The following SNW1 variants were observed in gnomAD, a reference collection of about 807,000 sequenced individuals.
SNW1 encodes the protein SNW domain containing 1.
SNW1 carries 9 observed loss-of-function variants against 75.6 expected under a neutral mutation model. The ratio of observed to expected loss-of-function variants is 0.12; its 90% CI spans 0.07 to 0.21. SNW1 has a LOEUF of 0.21. Among genes scored for constraint, SNW1 ranks in the 10% least tolerant of loss-of-function variants. SNW1 has a pLI of 1.00. For missense variants in SNW1, 409 were observed against 670.9 expected (o/e 0.61, Z 4.31); for synonymous variants, 200 against 219.1 (o/e 0.91, Z 0.77).
intron 5 of SNW1, 75 bp downstream of exon 5, chr14:77,738,703 A>T: frequency 1.0e-6 from 1 of 972,860 alleles, no homozygotes; most frequent in Non-Finnish European, 1.6e-6. Flanking sequence ...TAAGTGGGTT[A>T]GTGAAAGAAT....
chr14:77,751,371 T>C lies in SNW1; in HGVS notation c.278A>G (p.Glu93Gly). The C allele has an allele frequency of 6.2e-7, 1 of 1,613,916 alleles. No homozygotes were observed. The highest frequency in any genetic ancestry group is 8.5e-7 in the Non-Finnish European group (1 of 1,179,906). The change falls in exon 3 of 14, where the codon GAA becomes GGA. Residue 93 changes from glutamate to glycine, a missense_variant. Coordinates refer to ENST00000261531, the MANE Select transcript of SNW1 (RefSeq NM_012245.3). The stretch of plus-strand genomic sequence containing the variant: ...AATTGCATCATATTTAATTTTTCCT[T>C]CAGAATCCACCTGAATGGCCAGCGC... ...SNALAIQVDS[E>G]GKIKYDAIAR...
At chr14:77,760,327 T>C (rs1031566091) in intron 1 of SNW1, among the ~76,000 whole-genome samples, 2 of 152,230 alleles carry the variant, frequency 1.3e-5, no homozygotes, top group African/African-American at 2.4e-5. Context: ...TTACTTTATC[T>C]ATAACCTTCC....
rs2080632118 is a variant in SNW1, at chr14:77,732,093, G to A, written c.891+392C>T. ...TTAATAGATGGCCAATGCTATGAAC[G>A]CCATTTTATGTACTATTCAATTCAT... On this transcript the variant is annotated intron_variant, in intron 9 of 13. Transcript: ENST00000261531. 2.6e-5 allele frequency among the ~76,000 whole-genome samples: 4 copies of A among 152,220 alleles called. No homozygotes were observed. In the South Asian group the frequency reaches 6.2e-4, roughly 24 times the overall value.
intron 3 of SNW1, among the ~76,000 whole-genome samples, chr14:77,749,077 A>G (rs530291426): frequency 1.9e-4 from 29 of 152,330 alleles, no homozygotes; most frequent in Non-Finnish European, 3.5e-4. Flanking sequence ...ATCTAGATAC[A>G]CTTGCCCTTG....
At chr14:77,723,114 T>G in intron 11 of SNW1, 67 bp downstream of exon 11, 1 of 1,273,344 alleles carries the variant, frequency 7.9e-7, no homozygotes. Flanking sequence ...CCCAAAGTGC[T>G]GGGATTACAG....
intron 9 of SNW1, 131 bp from the exon 10 acceptor site, chr14:77,731,260 CAA>C (rs1033904122): frequency 2.7e-5 from 27 of 992,138 alleles, no homozygotes; most frequent in Middle Eastern, 4.3e-4. Context: ...CTAATTAAAA[CAA>C]AGAGTCTTGT....
intron 3 of SNW1, among the ~76,000 whole-genome samples, chr14:77,747,832 G>T (rs2080775820): frequency 6.6e-6 from 1 of 150,522 alleles, no homozygotes; most frequent in African/African-American, 2.4e-5. Context: ...CATCCGGGAG[G>T]TGGGGGGCGC....
chr14:77,753,967 TAAA>T (rs1200831715), intron 2 of SNW1, among the ~76,000 whole-genome samples: 1 of 151,312 alleles, frequency 6.6e-6, no homozygotes, highest in African/African-American at 2.4e-5. Flanking sequence ...ATAAAAAAAA[TAAA>T]AATTAATTAA....
At chr14:77,747,331 GC>G (rs2080768580) in intron 3 of SNW1, among the ~76,000 whole-genome samples, 1 of 152,166 alleles carries the variant, frequency 6.6e-6, no homozygotes, top group Admixed American at 6.5e-5. Context: ...CCTCTGCCCG[GC>G]CGCCACCCTG....
intron 1 of SNW1, chr14:77,760,860 C>A: frequency 2.5e-6 from 2 of 794,262 alleles, no homozygotes; most frequent in South Asian, 1.5e-5. Flanking sequence ...AAAACCCACT[C>A]TTCAGTGTCT....
At chr14:77,756,232 T>G (rs2080841983) in intron 1 of SNW1, among the ~76,000 whole-genome samples, 1 of 152,088 alleles carries the variant, frequency 6.6e-6, no homozygotes, top group Non-Finnish European at 1.5e-5. Context: ...GTGATTCTCA[T>G]GCCTCAGCCT....
chr14:77,753,939 C>T (rs563770089), intron 2 of SNW1, among the ~76,000 whole-genome samples: 5 of 150,894 alleles, frequency 3.3e-5, no homozygotes, highest in South Asian at 4.2e-4. Flanking sequence ...GGAAACGGAG[C>T]GAGATTCCAT....
chr14:77,733,135 GCTTCTA>G (rs1477149178), intron 8 of SNW1, among the ~76,000 whole-genome samples: 2 of 152,108 alleles, frequency 1.3e-5, no homozygotes, highest in East Asian at 3.9e-4. Flanking sequence ...ACTCTATAAA[GCTTCTA>G]ACATTATTGT....
chr14:77,722,252 C>T (rs767566769), intron 11 of SNW1, among the ~76,000 whole-genome samples: 3 of 152,166 alleles, frequency 2.0e-5, no homozygotes, highest in Non-Finnish European at 4.4e-5. Flanking sequence ...TTCCCCAATT[C>T]CTACTTTACT....
intron 11 of SNW1, 79 bp from the exon 12 acceptor site, chr14:77,720,907 T>G (rs921833113): frequency 2.3e-6 from 2 of 868,804 alleles, no homozygotes; most frequent in Non-Finnish European, 3.8e-6. Flanking sequence ...ACAACCAATC[T>G]CAGAAACAAA....
intron 11 of SNW1, 27 bp from the exon 12 acceptor site, chr14:77,720,855 T>G: frequency 1.4e-6 from 2 of 1,416,000 alleles, no homozygotes. Context: ...CATCACTAAC[T>G]GAAAACTCTT....
chr14:77,727,603 T>C (rs1033173481), intron 10 of SNW1, among the ~76,000 whole-genome samples: 2 of 152,220 alleles, frequency 1.3e-5, no homozygotes, highest in East Asian at 3.8e-4. Flanking sequence ...TGAAGGGATG[T>C]TGAATTTTTT....
At position 77,750,018 on chromosome 14, in the gene SNW1, T is replaced by C. The variant is rs1417507709; in HGVS notation, c.330+1301A>G. On this transcript the variant is annotated intron_variant, in intron 3 of 13. Coordinates refer to ENST00000261531, the MANE Select transcript of SNW1 (RefSeq NM_012245.3). ...AAGTTCAAGACCAGCTTGAGTAACA[T>C]AGGGATATCCCACCTCTACAAAAAA... Among the ~76,000 whole-genome samples the C allele has an allele frequency of 2.6e-5, 4 of 151,696 alleles. No homozygotes were observed. The East Asian group carries it at 7.8e-4, about 30-fold the overall frequency.
intron 9 of SNW1, 62 bp from the exon 10 acceptor site, chr14:77,731,191 T>A (rs1261098534): frequency 6.5e-7 from 1 of 1,545,946 alleles, no homozygotes; most frequent in African/African-American, 1.4e-5. Flanking sequence ...ATGGCTATCA[T>A]CCAACTCCCT....
Sources: allele counts gnomAD v4.1 joint callset (sites outside exome capture counted in the v4.1 genomes callset), GRCh38; gene constraint gnomAD v4.1.1; transcripts MANE v1.5; gene names NCBI Gene and HGNC (gene_info 2026-07-23, HGNC 2026-07-21).